KLHL29: variants seen among roughly 807,000 people sequenced by gnomAD.
The protein encoded by KLHL29 is kelch-like protein 29.
A neutral mutation model predicts 80.4 loss-of-function variants in KLHL29; 21 were observed. The observed-to-expected ratio is 0.26, with a 90% confidence interval of 0.19 to 0.38. The LOEUF (loss-of-function observed/expected upper bound fraction) is 0.38. Ranked by LOEUF, KLHL29 falls within the 10% of genes least tolerant of loss-of-function variation. KLHL29 has a pLI of 1.00. For synonymous variants in KLHL29, 511 were observed against 526.8 expected (o/e 0.97, Z 0.41); for missense variants, 867 against 1,223.9 (o/e 0.71, Z 4.35).
intron 2 of KLHL29, among the ~76,000 whole-genome samples, chr2:23,542,549 G>T (rs1348995557): frequency 1.3e-5 from 2 of 152,366 alleles, no homozygotes; most frequent in South Asian, 4.1e-4. Context: ...ACTTTCTGGA[G>T]TTGACCTTTT....
rs796692520 is a variant in KLHL29, at chr2:23,412,931, C to G, written c.-154+27151C>G. On this transcript the variant is annotated intron_variant, in intron 1 of 13. Transcript: ENST00000486442. ...TCCAAGTCACCTTTCATGTTGTAAA[C>G]CACTGCTTGTCACTTTGCCAAATTC... Among the ~76,000 whole-genome samples, 6 of 152,308 alleles carry G rather than the reference C, an allele frequency of 3.9e-5. 1 individual carries two copies. Among genetic ancestry groups the G allele is most frequent in the African/African-American group, 1.4e-4 (6 of 41,570 alleles).
At chr2:23,605,196 C>T (rs1190495359) in intron 3 of KLHL29, among the ~76,000 whole-genome samples, 3 of 149,984 alleles carry the variant, frequency 2.0e-5, no homozygotes, top group Non-Finnish European at 3.0e-5. Context: ...ACTACAACCT[C>T]CGCTTCCCAG....
intron 2 of KLHL29, among the ~76,000 whole-genome samples, chr2:23,559,052 AAAGT>A (rs1032708709): frequency 7.2e-5 from 11 of 152,188 alleles, no homozygotes; most frequent in Admixed American, 5.9e-4. Context: ...CAGAAGGGGA[AAAGT>A]AAGTTCAGGG....
At chr2:23,662,168 C>T (rs1670426211) in intron 5 of KLHL29, among the ~76,000 whole-genome samples, 1 of 152,172 alleles carries the variant, frequency 6.6e-6, no homozygotes, top group Non-Finnish European at 1.5e-5. Context: ...GGGGGTCTTT[C>T]AGCAAAAGTA....
intron 2 of KLHL29, among the ~76,000 whole-genome samples, chr2:23,530,152 G>T (rs1354895145): frequency 6.6e-6 from 1 of 152,242 alleles, no homozygotes; most frequent in South Asian, 2.1e-4. Context: ...AAGAGGCAGG[G>T]CTGGCTCTAG....
intron 2 of KLHL29, among the ~76,000 whole-genome samples, chr2:23,525,580 G>A (rs923951813): frequency 6.6e-6 from 1 of 152,230 alleles, no homozygotes; most frequent in Admixed American, 6.5e-5. Context: ...ATGGAGCTAA[G>A]GGGGAGGAGA....
chr2:23,526,165 CT>C (rs1450730411), intron 2 of KLHL29, among the ~76,000 whole-genome samples: 1 of 152,178 alleles, frequency 6.6e-6, no homozygotes, highest in Admixed American at 6.5e-5. Context: ...ATTCTGGAGC[CT>C]TTGTTCTAGA....
intron 5 of KLHL29, among the ~76,000 whole-genome samples, chr2:23,652,393 G>C (rs539241879): frequency 2.0e-5 from 3 of 152,204 alleles, no homozygotes; most frequent in African/African-American, 7.2e-5. Flanking sequence ...CTGTCTCTTC[G>C]TGTAACTTCC....
At chr2:23,479,382 C>A (rs940668931) in intron 2 of KLHL29, among the ~76,000 whole-genome samples, 2 of 150,816 alleles carry the variant, frequency 1.3e-5, no homozygotes, top group African/African-American at 2.5e-5. Context: ...GGGCTGCAGA[C>A]CCCCAGCCTG....
chr2:23,660,136 G>A (rs78849391), intron 5 of KLHL29, among the ~76,000 whole-genome samples: 5,807 of 152,192 alleles, frequency 0.038, 139 homozygotes, highest in Non-Finnish European at 0.048. Flanking sequence ...GGGCAGACAG[G>A]TCTCTTCTCT....
chr2:23,531,707 A>G (rs1666494943), intron 2 of KLHL29, among the ~76,000 whole-genome samples: 2 of 152,242 alleles, frequency 1.3e-5, no homozygotes, highest in African/African-American at 4.8e-5. Context: ...CCGTGGGCCC[A>G]TAAATCTCAC....
intron 1 of KLHL29, among the ~76,000 whole-genome samples, chr2:23,435,389 G>A (rs1166411723): frequency 6.6e-6 from 1 of 152,178 alleles, no homozygotes. Context: ...GCTGAGCTAG[G>A]CTGGATCAGG....
chr2:23,485,283 T>C (rs1332136220), intron 2 of KLHL29, among the ~76,000 whole-genome samples: 2 of 152,208 alleles, frequency 1.3e-5, no homozygotes, highest in Non-Finnish European at 2.9e-5. Flanking sequence ...TCTCAGTCAG[T>C]GTGTCTCAGT....
At chr2:23,620,230 G>A (rs1009143306) in intron 3 of KLHL29, among the ~76,000 whole-genome samples, 8 of 152,200 alleles carry the variant, frequency 5.3e-5, no homozygotes, top group Middle Eastern at 3.2e-3. Flanking sequence ...GTGAGAGGGG[G>A]CACCAGGAGG....
rs528080692 is a variant in KLHL29 at position 23,563,430 on chromosome 2, G to A, written c.285+949G>A. ...TTGCCTCTGCTGGCCATTCGGAGCT[G>A]CCTCCCAGGAGCCCCCTTGGGGCAG... On this transcript the variant is annotated intron_variant, in intron 3 of 13. Transcript: ENST00000486442. 7.9e-4 allele frequency among the ~76,000 whole-genome samples: 121 copies of A among 152,340 alleles called. 1 individual carries two copies. Among genetic ancestry groups the A allele is most frequent in the African/African-American group, 2.9e-3 (120 of 41,582 alleles).
intron 1 of KLHL29, among the ~76,000 whole-genome samples, chr2:23,392,281 G>A (rs552423273): frequency 2.0e-5 from 3 of 152,238 alleles, no homozygotes; most frequent in African/African-American, 4.8e-5. Flanking sequence ...ATACACCAGG[G>A]CATGTATATA....
At chr2:23,563,461 G>A (rs926309732) in intron 3 of KLHL29, among the ~76,000 whole-genome samples, 1 of 152,222 alleles carries the variant, frequency 6.6e-6, no homozygotes, top group East Asian at 1.9e-4. Context: ...GGCAGTGTCC[G>A]TGTACATGCG....
intron 11 of KLHL29, among the ~76,000 whole-genome samples, chr2:23,701,320 C>T (rs147430753): frequency 3.9e-5 from 6 of 152,338 alleles, no homozygotes; most frequent in South Asian, 4.1e-4. Flanking sequence ...TCCAACTAGT[C>T]TCCCCGCTTC....
chr2:23,422,053 G>A (rs1027624904), intron 1 of KLHL29, among the ~76,000 whole-genome samples: 1 of 151,714 alleles, frequency 6.6e-6, no homozygotes, highest in Non-Finnish European at 1.5e-5. Context: ...ATGTGTTTGT[G>A]TGTCTCTGTG....
Sources: allele counts gnomAD v4.1 joint callset (sites outside exome capture counted in the v4.1 genomes callset), GRCh38; gene constraint gnomAD v4.1.1; transcripts MANE v1.5; gene names NCBI Gene and HGNC (gene_info 2026-07-23, HGNC 2026-07-21).